Variants in PHACTR2 observed in about 807,000 individuals in gnomAD.
The protein encoded by PHACTR2 is phosphatase and actin regulator 2.
PHACTR2 carries 30 observed loss-of-function variants against 76.0 expected under a neutral mutation model. That is an observed-to-expected ratio of 0.39 (90% CI 0.30 to 0.54). The LOEUF is 0.54. Ranked by LOEUF, PHACTR2 falls within the 20% of genes least tolerant of loss-of-function variation. PHACTR2 has a pLI of 0.61. For synonymous variants in PHACTR2, 292 were observed against 292.5 expected (o/e 1.00, Z 0.02); for missense variants, 696 against 781.1 (o/e 0.89, Z 1.30).
At position 143,830,693 on chromosome 6, in the gene PHACTR2, TATA is replaced by T. The variant is rs1776649715; in HGVS notation, c.*7008_*7010del. 6.6e-6 allele frequency: 1 copy of T among 152,234 alleles called. No individual in the cohort carries two copies. Among genetic ancestry groups the T allele is most frequent in the South Asian group, 2.1e-4 (1 of 4,834 alleles). The allele number at this position is 152,234 out of a possible 1,614,324, so 9.4% of individuals were successfully genotyped here. A position where few individuals can be genotyped will look rare whatever the true frequency, so the allele number is the denominator to read the frequency against. ...AGCAAAATTCTGCTCTATTTAGTTG[TATA>T]ATATTAGAGGATACTTTGCTGTGCA... On this transcript the variant is annotated 3_prime_UTR_variant, in exon 13 of 13. Transcript: ENST00000440869.
Position 143,598,622 on chromosome 6 carries a change from C to G in PHACTR2, c.217+61415C>G, listed in dbSNP as rs1235424484. 6.6e-6 allele frequency among the ~76,000 whole-genome samples: 1 copy of G among 152,226 alleles called. No individual in the cohort carries two copies. The highest frequency in any genetic ancestry group is 1.9e-4 in the East Asian group (1 of 5,198). On this transcript the variant is annotated intron_variant, in intron 1 of 11. Transcript: ENST00000367584. The surrounding 1 kb of genome is among the most constrained non-coding windows in gnomAD (Gnocchi z 4.1). ...ATCGCAGTCATCTGATGGCAAAGCA[C>G]TTCTCTAAGAACAACCACATGGCTT...
At chr6:143,813,347 C>T (rs1298430329) in intron 12 of PHACTR2, among the ~76,000 whole-genome samples, 1 of 152,078 alleles carries the variant, frequency 6.6e-6, no homozygotes, top group Admixed American at 6.6e-5. Flanking sequence ...CAGCCGGGTG[C>T]GGTGGCTCAC....
intron 1 of PHACTR2, among the ~76,000 whole-genome samples, chr6:143,638,576 T>TGC (rs1776508586): frequency 1.4e-5 from 2 of 146,914 alleles, no homozygotes; most frequent in Non-Finnish European, 3.0e-5. Context: ...CACACACACA[T>TGC]ACACACACAC....
chr6:143,576,518 T>A (rs1305713734), intron 1 of PHACTR2, among the ~76,000 whole-genome samples: 1 of 152,236 alleles, frequency 6.6e-6, no homozygotes, highest in Non-Finnish European at 1.5e-5. Flanking sequence ...AACATTTAGC[T>A]TTTCAGTTTT....
intron 2 of PHACTR2, among the ~76,000 whole-genome samples, chr6:143,746,120 C>G (rs1429438082): frequency 6.6e-6 from 1 of 152,240 alleles, no homozygotes; most frequent in East Asian, 1.9e-4. Flanking sequence ...AAAAGGTGCC[C>G]GAGCAGAGAT....
intron 2 of PHACTR2, among the ~76,000 whole-genome samples, chr6:143,729,982 T>A (rs1778664741): frequency 6.6e-6 from 1 of 152,156 alleles, no homozygotes; most frequent in Non-Finnish European, 1.5e-5. Flanking sequence ...TGGCAACATA[T>A]ATGTGGTCTA....
In PHACTR2 at chr6:143,747,578, C is replaced by T. The variant is rs148676428; in HGVS notation, c.215-1407C>T. ...TTAGTTGAAACGATGTTGTCTAGAGCAGTTCCAGGATTTGCAGATAATGAG... is the reference window on the plus strand; with the variant it reads ...TTAGTTGAAACGATGTTGTCTAGAGTAGTTCCAGGATTTGCAGATAATGAG... On this transcript the variant is annotated intron_variant, in intron 2 of 12. Transcript: ENST00000440869. Among the ~76,000 whole-genome samples, 369 of 152,280 alleles carry T rather than the reference C, an allele frequency of 2.4e-3. 3 individuals are homozygous for T. The highest frequency in any genetic ancestry group is 8.6e-3 in the African/African-American group (356 of 41,562).
chr6:143,776,297 T>A lies in PHACTR2; in HGVS notation c.1590-1031T>A, dbSNP rs1357128401. On this transcript the variant is annotated intron_variant, in intron 8 of 12. Coordinates refer to ENST00000440869, the MANE Select transcript of PHACTR2 (RefSeq NM_001100164.2). This position sits in a 1 kb window ranked among gnomAD's most constrained non-coding sequence, Gnocchi z 5.3. ...AAAGGTATAAATTGTAGGAAAGATA[T>A]ACTGTTATTATACATGGTTGTATAC... 6.6e-6 allele frequency among the ~76,000 whole-genome samples: 1 copy of A among 152,182 alleles called. No homozygotes were observed. The highest frequency in any genetic ancestry group is 1.5e-5 in the Non-Finnish European group (1 of 68,022).
chr6:143,566,884 A>G (rs1775371270), intron 1 of PHACTR2, among the ~76,000 whole-genome samples: 1 of 152,026 alleles, frequency 6.6e-6, no homozygotes, highest in East Asian at 1.9e-4. Context: ...TTTAACATTA[A>G]TAACATTAGC....
At chr6:143,805,479 C>CA (rs746027973) in intron 11 of PHACTR2, among the ~76,000 whole-genome samples, 1,618 of 94,940 alleles carry the variant, frequency 0.017, 39 homozygotes, top group African/African-American at 0.046. Flanking sequence ...AACTCCGTCT[C>CA]AAAAAAAAAA....
At chr6:143,687,442 T>C (rs1189435171) in intron 1 of PHACTR2, among the ~76,000 whole-genome samples, 1 of 152,184 alleles carries the variant, frequency 6.6e-6, no homozygotes, top group African/African-American at 2.4e-5. Context: ...TCTCTATTCT[T>C]GGGAGAAAAT....
At chr6:143,687,558 C>A (rs893665838) in intron 1 of PHACTR2, among the ~76,000 whole-genome samples, 1 of 152,112 alleles carries the variant, frequency 6.6e-6, no homozygotes, top group Non-Finnish European at 1.5e-5. Flanking sequence ...AGCAGGGGAA[C>A]AAAAACCAAA....
chr6:143,742,681 A>G lies in PHACTR2; in HGVS notation c.215-6304A>G, dbSNP rs73778675. 0.013 allele frequency among the ~76,000 whole-genome samples: 1,953 copies of G among 152,282 alleles called. 52 individuals are homozygous for G. Among genetic ancestry groups the G allele is most frequent in the African/African-American group, 0.045 (1,869 of 41,548 alleles). ...CCAAAGGAAAAATGTCAGGAAGGCC[A>G]TTTCTAAAAGAAGTAGAAGAGGATG... On this transcript the variant is annotated intron_variant, in intron 2 of 12. Transcript: ENST00000440869. This position sits in a 1 kb window ranked among gnomAD's most constrained non-coding sequence, Gnocchi z 4.5.
intron 1 of PHACTR2, among the ~76,000 whole-genome samples, chr6:143,660,441 G>A (rs989355483): frequency 2.6e-5 from 4 of 152,080 alleles, no homozygotes; most frequent in Non-Finnish European, 5.9e-5. Context: ...GAACAGCACA[G>A]GAAAGAGACT....
In PHACTR2 at chr6:143,554,678, G is replaced by C. The variant is rs191609447; in HGVS notation, c.217+17471G>C. 3 of 152,326 alleles carry C rather than the reference G, an allele frequency of 2.0e-5. No homozygotes were observed. The highest frequency in any genetic ancestry group is 6.5e-5 in the Admixed American group (1 of 15,298). 9.4% of individuals were successfully genotyped at this position (152,326 alleles called of 1,614,324 possible). A position where few individuals can be genotyped will look rare whatever the true frequency, so the allele number is the denominator to read the frequency against. ...GGCTTTTGTTAAAACTGTATTTTAC[G>C]AGGAAGTGCCCAGATGGGCCTAGAA... On this transcript the variant is annotated intron_variant, in intron 1 of 11. Transcript: ENST00000367584. The surrounding 1 kb of genome is among the most constrained non-coding windows in gnomAD (Gnocchi z 5.9).
chr6:143,583,123 A>G lies in PHACTR2; in HGVS notation c.217+45916A>G, dbSNP rs1001038138. 5.3e-5 allele frequency among the ~76,000 whole-genome samples: 8 copies of G among 152,224 alleles called. No individual in the cohort carries two copies. The highest frequency in any genetic ancestry group is 1.9e-4 in the African/African-American group (8 of 41,454). On this transcript the variant is annotated intron_variant, in intron 1 of 11. Coordinates refer to the PHACTR2 transcript ENST00000367584. The surrounding 1 kb of genome is among the most constrained non-coding windows in gnomAD (Gnocchi z 4.0). Reference sequence around the variant, plus strand: ...AATTTCTATTCTTGTCTTTGAATATAATGATGGGGCGACCATTCTTGCCAT... The same window carrying G: ...AATTTCTATTCTTGTCTTTGAATATGATGATGGGGCGACCATTCTTGCCAT...
Position 143,680,878 on chromosome 6 carries a change from C to T in PHACTR2, c.46+2669C>T, listed in dbSNP as rs1017470572. Reference sequence around the variant, plus strand: ...TCATAATGTGTCATTTTGTGACTGGCTTCTTTCAGTTAGCATAATGTTTTC... The same window carrying T: ...TCATAATGTGTCATTTTGTGACTGGTTTCTTTCAGTTAGCATAATGTTTTC... On this transcript the variant is annotated intron_variant, in intron 1 of 12. Coordinates refer to ENST00000440869, the MANE Select transcript of PHACTR2 (RefSeq NM_001100164.2). This position sits in a 1 kb window ranked among gnomAD's most constrained non-coding sequence, Gnocchi z 4.5. 1.3e-5 allele frequency among the ~76,000 whole-genome samples: 2 copies of T among 152,092 alleles called. No homozygotes were observed. The highest frequency in any genetic ancestry group is 2.9e-5 in the Non-Finnish European group (2 of 67,992).
At chr6:143,748,953 T>G (rs770849890) in intron 2 of PHACTR2, 32 bp from the exon 3 acceptor site, 1 of 1,092,162 alleles carries the variant, frequency 9.2e-7, no homozygotes, top group South Asian at 1.3e-5. Context: ...AGGAATGACT[T>G]GATTCTTACT....
In PHACTR2 at chr6:143,765,827, A is replaced by T. The variant is rs1779551436; in HGVS notation, c.1232+29A>T. The T allele has an allele frequency of 2.6e-6, 4 of 1,556,786 alleles. No homozygotes were observed. Among genetic ancestry groups the T allele is most frequent in the Non-Finnish European group, 3.5e-6 (4 of 1,138,116 alleles). ...AGTTGGGGAACAAACCCCCTATTTT[A>T]TCTGAGAACTAAAGATCACTAATAT... On this transcript the variant is annotated intron_variant, in intron 6 of 12. Transcript: ENST00000440869. This position sits in a 1 kb window ranked among gnomAD's most constrained non-coding sequence, Gnocchi z 4.1.
Sources: gnomAD v4.1 joint callset for allele counts (sites outside exome capture counted in the v4.1 genomes callset) on GRCh38, gnomAD v4.1.1 for gene constraint, Gnocchi (gnomAD v3.1) non-coding constraint, MANE v1.5 for transcripts, NCBI Gene and HGNC (gene_info 2026-07-23, HGNC 2026-07-21) for gene names.